FEZ1: variants seen among roughly 807,000 people sequenced by gnomAD.
FEZ1 encodes fasciculation and elongation protein zeta 1, also known as fasciculation and elongation protein zeta-1.
In FEZ1, 20 loss-of-function variants were observed where a neutral mutation model predicts 49.3. The observed-to-expected ratio is 0.41, with a 90% CI of 0.29 to 0.59. The LOEUF (loss-of-function observed/expected upper bound fraction) is 0.59. Among genes scored for constraint, FEZ1 ranks in the 20% least tolerant of loss-of-function variants. The probability of loss-of-function intolerance (pLI) is 0.36; values close to 1 mark genes in which losing one functional copy is unlikely to be tolerated. For missense variants in FEZ1, 413 were observed against 476.0 expected (o/e 0.87, Z 1.23); for synonymous variants, 170 against 180.9 (o/e 0.94, Z 0.48).
chr11:125,456,665 GA>G (rs1002885018), intron 5 of FEZ1, among the ~76,000 whole-genome samples: 5 of 152,114 alleles, frequency 3.3e-5, no homozygotes, highest in African/African-American at 9.7e-5. Context: ...GACTATGCAT[GA>G]AAAAATAAAG....
intron 3 of FEZ1, among the ~76,000 whole-genome samples, chr11:125,465,457 TG>T (rs1371837786): frequency 6.6e-6 from 1 of 152,182 alleles, no homozygotes; most frequent in East Asian, 1.9e-4. Context: ...GCCGGAATGA[TG>T]CACTAGTAGA....
chr11:125,464,953 C>T (rs907245644), intron 3 of FEZ1, among the ~76,000 whole-genome samples: 19 of 152,190 alleles, frequency 1.2e-4, no homozygotes, highest in South Asian at 6.2e-4. Context: ...CCTGGAGCTA[C>T]GCTTTGTTCA....
At chr11:125,474,675 G>A (rs1403405304) in intron 3 of FEZ1, among the ~76,000 whole-genome samples, 1 of 148,616 alleles carries the variant, frequency 6.7e-6, no homozygotes, top group African/African-American at 2.5e-5. Context: ...GGATCACAAG[G>A]TCAGGAGTTC....
rs141594971 is a variant in FEZ1, at chr11:125,457,403, TAAAAAAAAAA to T, written c.668-1307_668-1298del. Among the ~76,000 whole-genome samples, 248 of 35,094 alleles carry T rather than the reference TAAAAAAAAAA, an allele frequency of 7.1e-3. 2 individuals are homozygous for T. Among genetic ancestry groups the T allele is most frequent in the East Asian group, 0.044 (44 of 998 alleles). The allele number at this position is 35,094 out of a possible 152,430, so 23.0% of individuals were successfully genotyped here. A position where few individuals can be genotyped will look rare whatever the true frequency, so the allele number is the denominator to read the frequency against. Reference sequence around the variant, plus strand: ...CAACATGGTGAAACTGTTTCTACTTTAAAAAAAAAAAAAAAAAAAAAAAAAAATATATATA... The same window carrying T: ...CAACATGGTGAAACTGTTTCTACTTTAAAAAAAAAAAAAAAAATATATATA... On this transcript the variant is annotated intron_variant, in intron 5 of 9. Coordinates refer to ENST00000278919, the MANE Select transcript of FEZ1 (RefSeq NM_005103.5).
intron 2 of FEZ1, among the ~76,000 whole-genome samples, chr11:125,487,946 C>A (rs1415199767): frequency 2.6e-5 from 4 of 152,216 alleles, no homozygotes; most frequent in Admixed American, 6.5e-5. Context: ...GGACGTGCCT[C>A]TTACCCCATT....
rs558019463 is a variant in FEZ1, at chr11:125,456,310, C to A, written c.668-204G>T. The A allele has an allele frequency of 5.6e-4, 253 of 454,806 alleles. 3 individuals are homozygous for A. In the East Asian group the frequency reaches 8.0e-3, roughly 14 times the overall value. The allele number at this position is 454,806 out of a possible 1,614,324, so 28.2% of individuals were successfully genotyped here. On this transcript the variant is annotated intron_variant, in intron 5 of 9. Transcript: ENST00000278919. ...TGTGTACTGACTGCAGAAGAGAACA[C>A]CCCTCTCAGGAAACAAAGGAGGAAG... is the stretch of plus-strand genomic sequence containing the variant.
At chr11:125,466,899 T>G (rs1318417106) in intron 3 of FEZ1, among the ~76,000 whole-genome samples, 1 of 152,090 alleles carries the variant, frequency 6.6e-6, no homozygotes, top group Non-Finnish European at 1.5e-5. Context: ...GCCCTTTGCA[T>G]AATATTTTCC....
At position 125,455,993 on chromosome 11, in the gene FEZ1, C is replaced by A; in HGVS notation, c.781G>T (p.Glu261Ter). 2 of 1,613,638 alleles carry A rather than the reference C, an allele frequency of 1.2e-6. No individual in the cohort carries two copies. The highest frequency in any genetic ancestry group is 1.7e-6 in the Non-Finnish European group (2 of 1,180,006). Reference sequence around the variant, plus strand: ...GAGTTCTTCACTTCCTTCTCAAACTCCAGCTCGTCCCGGCGGGCCAGCTGC... The same window carrying A: ...GAGTTCTTCACTTCCTTCTCAAACTACAGCTCGTCCCGGCGGGCCAGCTGC... ...VQQLARRDEL[E>*]FEKEVKNSFI... The change falls in exon 6 of 10, where the codon GAG becomes TAG. Residue 261 changes from glutamate (E) to a stop codon, truncating the protein, a stop_gained. Transcript: ENST00000278919. LOFTEE classifies it high-confidence loss of function.
intron 8 of FEZ1, among the ~76,000 whole-genome samples, chr11:125,450,428 C>T (rs756531116): frequency 4.3e-4 from 66 of 152,316 alleles, no homozygotes; most frequent in Non-Finnish European, 5.6e-4. Context: ...TGCCACACCA[C>T]GAAGATCACG....
At chr11:125,450,654 T>C (rs1956946088) in intron 8 of FEZ1, among the ~76,000 whole-genome samples, 1 of 152,154 alleles carries the variant, frequency 6.6e-6, no homozygotes, top group African/African-American at 2.4e-5. Flanking sequence ...TCAGAAAAGA[T>C]GGCAGGTTTT....
rs1396117259 is a variant in FEZ1 at position 125,495,628 on chromosome 11, G to C, written c.-46+493C>G. 4.4e-6 allele frequency: 2 copies of C among 456,992 alleles called. No homozygotes were observed. Among genetic ancestry groups the C allele is most frequent in the Non-Finnish European group, 9.0e-6 (2 of 221,082 alleles). 28.3% of individuals were successfully genotyped at this position (456,992 alleles called of 1,614,324 possible). On this transcript the variant is annotated intron_variant, in intron 1 of 9. Coordinates refer to ENST00000278919, the MANE Select transcript of FEZ1 (RefSeq NM_005103.5). The surrounding 1 kb of genome is among the most constrained non-coding windows in gnomAD (Gnocchi z 4.2). ...AGCGGGGTCGGGGGTAAGTTTTTAG[G>C]GACAAAGATGATCTTGGGGCGTTTA...
At chr11:125,462,916 C>T (rs1463052789) in intron 4 of FEZ1, among the ~76,000 whole-genome samples, 7 of 151,430 alleles carry the variant, frequency 4.6e-5, no homozygotes, top group Admixed American at 4.0e-4. Flanking sequence ...GGGAGGATCG[C>T]TTGAGCCAAG....
rs1956889944 is a variant in FEZ1, at chr11:125,445,406, G to A, written c.*689C>T. 6.6e-6 allele frequency among the ~76,000 whole-genome samples: 1 copy of A among 152,226 alleles called. No homozygotes were observed. The highest frequency in any genetic ancestry group is 2.1e-4 in the South Asian group (1 of 4,834). On this transcript the variant is annotated 3_prime_UTR_variant, in exon 10 of 10. Transcript: ENST00000278919. The surrounding 1 kb of genome is among the most constrained non-coding windows in gnomAD (Gnocchi z 4.4). ...ATCCCACCAGGAGATCTGCAGCTGT[G>A]TGGCTCCTCCATGAGGCCCACTTTC...
chr11:125,449,417 TAAAAAA>T (rs35920814), intron 8 of FEZ1, among the ~76,000 whole-genome samples: 30 of 27,010 alleles, frequency 1.1e-3, no homozygotes, highest in Non-Finnish European at 1.4e-3. Context: ...TTTGTCTCTA[TAAAAAA>T]AAAAAAAAAA....
intron 6 of FEZ1, among the ~76,000 whole-genome samples, chr11:125,455,233 A>G (rs960911498): frequency 6.6e-6 from 1 of 151,898 alleles, no homozygotes. Context: ...TCTACTAAAA[A>G]TACAAAAATA....
intron 4 of FEZ1, among the ~76,000 whole-genome samples, chr11:125,462,681 G>C (rs534161664): frequency 2.0e-5 from 3 of 152,328 alleles, no homozygotes; most frequent in Non-Finnish European, 4.4e-5. Flanking sequence ...GAGGCAGAAA[G>C]AGAGATGAAA....
Position 125,489,084 on chromosome 11 carries a change from A to G in FEZ1, c.311+383T>C. Reference sequence around the variant, plus strand: ...AAAATTCTGGTGTTTCTTGAAGCAAATTAGTCCAATAACATAGATTCATCC... The same window carrying G: ...AAAATTCTGGTGTTTCTTGAAGCAAGTTAGTCCAATAACATAGATTCATCC... On this transcript the variant is annotated intron_variant, in intron 2 of 9. Coordinates refer to ENST00000278919, the MANE Select transcript of FEZ1 (RefSeq NM_005103.5). This position sits in a 1 kb window ranked among gnomAD's most constrained non-coding sequence, Gnocchi z 4.2. The G allele has an allele frequency of 3.0e-6, 3 of 990,068 alleles. No individual in the cohort carries two copies. The highest frequency in any genetic ancestry group is 3.6e-6 in the Non-Finnish European group (3 of 833,264). The allele number at this position is 990,068 out of a possible 1,614,324, so 61.3% of individuals were successfully genotyped here.
chr11:125,467,880 AT>A (rs1165313793), intron 3 of FEZ1, among the ~76,000 whole-genome samples: 1 of 152,160 alleles, frequency 6.6e-6, no homozygotes, highest in African/African-American at 2.4e-5. Flanking sequence ...TGGACTTCCA[AT>A]TTCCTCTTAT....
intron 8 of FEZ1, among the ~76,000 whole-genome samples, chr11:125,450,510 G>A (rs1956944242): frequency 6.6e-6 from 1 of 152,192 alleles, no homozygotes; most frequent in Non-Finnish European, 1.5e-5. Context: ...TACAAGGATT[G>A]GCTAGTCGCA....
Sources: gnomAD v4.1 joint callset for allele counts (sites outside exome capture counted in the v4.1 genomes callset) on GRCh38, gnomAD v4.1.1 for gene constraint, Gnocchi (gnomAD v3.1) non-coding constraint, MANE v1.5 for transcripts, NCBI Gene and HGNC (gene_info 2026-07-23, HGNC 2026-07-21) for gene names.